The following CYP3A4 variants were observed in gnomAD, a reference collection of about 807,000 sequenced individuals.
The protein encoded by CYP3A4 is cytochrome P450 family 3 subfamily A member 4, also known as cytochrome P450 3A4.
Under a neutral mutation model 54.9 loss-of-function variants are expected in CYP3A4, and 41 were observed. That is an observed-to-expected ratio of 0.75 (90% confidence interval 0.58 to 0.97). The LOEUF (loss-of-function observed/expected upper bound fraction) is 0.97, where lower values mean the gene tolerates loss of function less well. Ranked by LOEUF, CYP3A4 falls within the 50% of genes least tolerant of loss-of-function variation. The pLI, the probability that CYP3A4 is intolerant of heterozygous loss-of-function variation, is 0.00. For synonymous variants in CYP3A4, 179 were observed against 205.2 expected, an observed-to-expected ratio of 0.87 and a Z score of 1.09; for missense variants, 510 against 597.3, an observed-to-expected ratio of 0.85 and a Z score of 1.52.
At chr7:99,779,939 A>T (rs1815871929) in intron 2 of CYP3A4, 53 bp downstream of exon 2, 1 of 1,532,106 alleles carries the variant, frequency 6.5e-7, no homozygotes, top group African/African-American at 1.4e-5. Context: ...TGATGGAACT[A>T]AGCTGCTCTT....
At chr7:99,765,573 T>C (rs1299662882) in intron 9 of CYP3A4, among the ~76,000 whole-genome samples, 1 of 152,176 alleles carries the variant, frequency 6.6e-6, no homozygotes, top group Non-Finnish European at 1.5e-5. Flanking sequence ...GACATGGATA[T>C]ATTTAAAGCA....
At position 99,772,702 on chromosome 7, in the gene CYP3A4, A is replaced by T; in HGVS notation, c.219-13T>A. ...ACCATCATAAAAGCTGTGTGAAAAA[A>T]ACAGAGTTGATTAAACATCAACAGC... On this transcript the variant is annotated splice_polypyrimidine_tract_variant and intron_variant, in intron 3 of 12. Coordinates refer to ENST00000651514, the MANE Select transcript of CYP3A4 (RefSeq NM_017460.6). The T allele has an allele frequency of 6.2e-7, 1 of 1,612,688 alleles. No homozygotes were observed. Among genetic ancestry groups the T allele is most frequent in the Non-Finnish European group, 8.5e-7 (1 of 1,179,056 alleles).
intron 9 of CYP3A4, among the ~76,000 whole-genome samples, 168 bp downstream of exon 9, chr7:99,766,209 T>G (rs534790852): frequency 2.6e-4 from 40 of 152,236 alleles, no homozygotes; most frequent in South Asian, 1.5e-3. Flanking sequence ...TATCTATGCC[T>G]GCATGCCTCT....
intron 10 of CYP3A4, among the ~76,000 whole-genome samples, chr7:99,763,237 G>C (rs1470532718): frequency 2.0e-5 from 3 of 152,180 alleles, no homozygotes; most frequent in Non-Finnish European, 4.4e-5. Flanking sequence ...GTGTGGAGGA[G>C]TTATGAAGTG....
intron 3 of CYP3A4, among the ~76,000 whole-genome samples, chr7:99,775,846 T>C (rs1420400951): frequency 6.6e-6 from 1 of 152,204 alleles, no homozygotes; most frequent in Non-Finnish European, 1.5e-5. Context: ...ACAAATGGGA[T>C]ATGATTAAAC....
intron 1 of CYP3A4, among the ~76,000 whole-genome samples, chr7:99,782,765 C>G (rs749394359): frequency 6.6e-6 from 1 of 152,074 alleles, no homozygotes; most frequent in Admixed American, 6.6e-5. Context: ...CTGCCCTGAG[C>G]GTTTAACATA....
rs1256157390 is a variant in CYP3A4 at position 99,779,852 on chromosome 7, T to G, written c.165+140A>C. The G allele has an allele frequency of 8.8e-5, 67 of 757,836 alleles. No homozygotes were observed. In the East Asian group the frequency reaches 1.7e-3, roughly 19 times the overall value. 46.9% of individuals were successfully genotyped at this position (757,836 alleles called of 1,614,324 possible). On this transcript the variant is annotated intron_variant, in intron 2 of 12. Transcript: ENST00000651514. ...GAGAGCCCTTGGGTAAACATTGCCA[T>G]GTTCTGGGTGATGCCTACACACTGT...
Position 99,772,586 on chromosome 7 carries a change from T to C in CYP3A4, c.318+4A>G, listed in dbSNP as rs770077656. On this transcript the variant is annotated splice_donor_region_variant and intron_variant, in intron 4 of 12. Transcript: ENST00000651514. ...TATTTTAATTTCAACACATGAATGC[T>C]TACCCTCCGGTTTGTGAAGACAGAA... 3.7e-6 allele frequency: 6 copies of C among 1,612,192 alleles called. No homozygotes were observed. The South Asian group carries it at 5.5e-5, about 15-fold the overall frequency.
At chr7:99,760,427 ACT>A (rs1342137479) in intron 12 of CYP3A4, among the ~76,000 whole-genome samples, 3 of 152,174 alleles carry the variant, frequency 2.0e-5, no homozygotes, top group African/African-American at 7.2e-5. Flanking sequence ...GTTGGGAGCC[ACT>A]CTCATGAGAA....
chr7:99,762,352 G>T, intron 10 of CYP3A4, 85 bp from the exon 11 acceptor site: 1 of 1,495,716 alleles, frequency 6.7e-7, no homozygotes, highest in South Asian at 1.2e-5. Context: ...GAAGTATTAG[G>T]AGCTCCAGAG....
intron 5 of CYP3A4, 123 bp downstream of exon 5, chr7:99,769,999 C>G: frequency 6.5e-7 from 1 of 1,534,018 alleles, no homozygotes; most frequent in Non-Finnish European, 9.0e-7. Flanking sequence ...GATAAAAGAC[C>G]ATTTTTAGGC....
At chr7:99,772,453 A>G in intron 4 of CYP3A4, 137 bp downstream of exon 4, 1 of 999,378 alleles carries the variant, frequency 1.0e-6, no homozygotes, top group East Asian at 2.6e-5. Flanking sequence ...GCAAGATGTT[A>G]CCATTCGGGG....
chr7:99,776,748 A>G (rs537314842), intron 3 of CYP3A4, among the ~76,000 whole-genome samples: 142 of 152,258 alleles, frequency 9.3e-4, no homozygotes, highest in African/African-American at 3.3e-3. Context: ...TGTAGGTGAC[A>G]GGTTGATGGG....
In CYP3A4 at chr7:99,758,334, G is replaced by A. The variant is rs147972695; in HGVS notation, c.1417-106C>T. 1,237 of 1,300,248 alleles carry A rather than the reference G, an allele frequency of 9.5e-4. 12 individuals are homozygous for A. The African/African-American group carries it at 0.016, about 16-fold the overall frequency. The allele number at this position is 1,300,248 out of a possible 1,614,324, so 80.5% of individuals were successfully genotyped here. ...CCTTCAGTGTTGAGGGGACACAACA[G>A]AGTGATATTCTGATCTCTATGGAGT... On this transcript the variant is annotated intron_variant, in intron 12 of 12. Transcript: ENST00000651514.
At chr7:99,766,563 A>G (rs1319198552) in intron 8 of CYP3A4, 120 bp from the exon 9 acceptor site, 1 of 1,226,574 alleles carries the variant, frequency 8.2e-7, no homozygotes, top group African/African-American at 1.5e-5. Flanking sequence ...CAGAAATCTG[A>G]TGCATGTTGC....
At chr7:99,772,248 T>C (rs1815654348) in intron 4 of CYP3A4, among the ~76,000 whole-genome samples, 1 of 152,156 alleles carries the variant, frequency 6.6e-6, no homozygotes, top group Admixed American at 6.6e-5. Context: ...TAAATTTGTA[T>C]AGAACACAAA....
chr7:99,768,631 T>A, intron 6 of CYP3A4, 129 bp from the exon 7 acceptor site: 1 of 1,535,356 alleles, frequency 6.5e-7, no homozygotes, highest in Non-Finnish European at 8.9e-7. Context: ...ATCTACTAGA[T>A]CACCTTCTAT....
chr7:99,766,695 G>A, intron 8 of CYP3A4: 1 of 507,124 alleles, frequency 2.0e-6, no homozygotes, highest in Non-Finnish European at 3.5e-6. Context: ...TCAGCAGGTG[G>A]CCTGATAGGG....
Position 99,762,055 on chromosome 7 carries a change from C to A in CYP3A4, c.1239G>T (p.Lys413Asn). Residue 413 changes from lysine to asparagine, a missense_variant, in exon 11 of 13, where the codon AAG becomes AAT. By Grantham distance (94) the Lys-to-Asn change is moderately conservative. Around this residue, in one of 2 missense-constraint regions of CYP3A4, gnomAD observed 238 missense variants for 322.5 expected, o/e 0.74. Coordinates refer to ENST00000651514, the MANE Select transcript of CYP3A4 (RefSeq NM_017460.6). ...GGGCCTTGTACCTTTCAGGGAGGAA[C>A]TTCTCAGGCTCTGTCCAGTACTTTG... ...RDPKYWTEPE[K>N]FLPERFSKKN... 6.2e-7 allele frequency: 1 copy of A among 1,614,092 alleles called. No homozygotes were observed. Among genetic ancestry groups the A allele is most frequent in the Non-Finnish European group, 8.5e-7 (1 of 1,179,990 alleles).
Sources: gnomAD v4.1 joint callset for allele counts (sites outside exome capture counted in the v4.1 genomes callset) on GRCh38, gnomAD v4.1.1 for gene constraint, gnomAD v4.1.1 regional missense constraint, MANE v1.5 for transcripts, NCBI Gene and HGNC (gene_info 2026-07-23, HGNC 2026-07-21) for gene names.